The following SYT7 variants were observed in gnomAD, a reference collection of about 807,000 sequenced individuals.
SYT7 encodes synaptotagmin-7.
SYT7 carries 29 observed loss-of-function variants against 75.1 expected under a neutral mutation model. The observed-to-expected ratio is 0.39, with a 90% CI of 0.29 to 0.53. The LOEUF (loss-of-function observed/expected upper bound fraction) is 0.53. Ranked by LOEUF, SYT7 falls within the 20% of genes least tolerant of loss-of-function variation. SYT7 has a pLI of 0.77. For missense variants in SYT7, 693 were observed against 953.2 expected (o/e 0.73, Z 3.59); for synonymous variants, 376 against 401.7 (o/e 0.94, Z 0.76).
upstream of SYT7, among the ~76,000 whole-genome samples, chr11:61,583,097 C>T (rs150107774): frequency 8.0e-3 from 1,215 of 152,106 alleles, 7 homozygotes; most frequent in Non-Finnish European, 0.013. Flanking sequence ...TGTAGTGGTG[C>T]GCCCCTGGGG....
chr11:61,527,152 A>G (rs1177277621), intron 9 of SYT7, among the ~76,000 whole-genome samples: 1 of 152,162 alleles, frequency 6.6e-6, no homozygotes, highest in Non-Finnish European at 1.5e-5. Context: ...GGAGAGAGAA[A>G]GGACATTTGT....
intron 1 of SYT7, among the ~76,000 whole-genome samples, chr11:61,573,184 T>G (rs1241399434): frequency 6.6e-6 from 1 of 152,164 alleles, no homozygotes; most frequent in East Asian, 1.9e-4. Flanking sequence ...GGCCTGGCCC[T>G]GATGCCTGGG....
At chr11:61,536,456 C>A (rs375583891) in intron 7 of SYT7, among the ~76,000 whole-genome samples, 12 of 152,316 alleles carry the variant, frequency 7.9e-5, no homozygotes, top group Middle Eastern at 3.4e-3. Flanking sequence ...CCAGCCACCC[C>A]CTGTGTGCCT....
Position 61,576,636 on chromosome 11 carries a change from G to A in SYT7, c.31+4154C>T, listed in dbSNP as rs1441880697. Among the ~76,000 whole-genome samples the A allele has an allele frequency of 6.9e-6, 1 of 144,140 alleles. No homozygotes were observed. The highest frequency in any genetic ancestry group is 2.6e-5 in the African/African-American group (1 of 39,032). 94.6% of individuals were successfully genotyped at this position (144,140 alleles called of 152,430 possible). On this transcript the variant is annotated intron_variant, in intron 1 of 12. Transcript: ENST00000539008. This position sits in a 1 kb window ranked among gnomAD's most constrained non-coding sequence, Gnocchi z 4.1. ...TGTTCTTGGCCTCACTCCCCTGGGG[G>A]AACCAGTTATTGAAAACGAAAACGG...
At position 61,580,077 on chromosome 11, in the gene SYT7, C is replaced by T. The variant is rs1022083118; in HGVS notation, c.31+713G>A. ...CAGGCCACTCCCCTGGCGGGCGAAG[C>T]AGAAGGCAAAGGAGTTCGGCCCTCC... On this transcript the variant is annotated intron_variant, in intron 1 of 12. Transcript: ENST00000539008. The surrounding 1 kb of genome is among the most constrained non-coding windows in gnomAD (Gnocchi z 6.1). Among the ~76,000 whole-genome samples, 1 of 152,150 alleles carries T rather than the reference C, an allele frequency of 6.6e-6. No homozygotes were observed. Among genetic ancestry groups the T allele is most frequent in the Non-Finnish European group, 1.5e-5 (1 of 68,014 alleles).
At chr11:61,547,396 A>AC (rs1444241667) in intron 3 of SYT7, 88 bp from the exon 4 acceptor site, 1 of 1,455,140 alleles carries the variant, frequency 6.9e-7, no homozygotes, top group African/African-American at 1.4e-5. Flanking sequence ...AGGGACCAGG[A>AC]CCCCGGGGCC....
rs1169867911 is a variant in SYT7, at chr11:61,523,719, C to A, written c.1756+108G>T. 1.4e-5 allele frequency: 16 copies of A among 1,149,070 alleles called. No individual in the cohort carries two copies. The highest frequency in any genetic ancestry group is 3.0e-5 in the African/African-American group (2 of 65,806). 71.2% of individuals were successfully genotyped at this position (1,149,070 alleles called of 1,614,324 possible). A position where few individuals can be genotyped will look rare whatever the true frequency, so the allele number is the denominator to read the frequency against. On this transcript the variant is annotated intron_variant, in intron 11 of 12. Transcript: ENST00000539008. The surrounding 1 kb of genome is among the most constrained non-coding windows in gnomAD (Gnocchi z 5.0). ...GTGAGGACTGGAGGTCGGGGTGTGGCGGGTTGGGGTGAGGACCACTGCAGA... is the reference window on the plus strand; with the variant it reads ...GTGAGGACTGGAGGTCGGGGTGTGGAGGGTTGGGGTGAGGACCACTGCAGA...
intron 9 of SYT7, among the ~76,000 whole-genome samples, chr11:61,526,924 G>T (rs564155133): frequency 9.2e-5 from 14 of 152,292 alleles, no homozygotes; most frequent in African/African-American, 2.9e-4. Context: ...ACACGGTGAA[G>T]ATTCTGGAAG....
intron 1 of SYT7, among the ~76,000 whole-genome samples, chr11:61,562,413 G>C (rs974469783): frequency 6.6e-6 from 1 of 152,150 alleles, no homozygotes; most frequent in African/African-American, 2.4e-5. Flanking sequence ...AGTCTCATAG[G>C]ACTATGGTGA....
At position 61,515,616 on chromosome 11, in the gene SYT7, C is replaced by A. The variant is rs986893797; in HGVS notation, c.*3011G>T. The A allele has an allele frequency of 2.0e-5, 3 of 152,426 alleles. No homozygotes were observed. Among genetic ancestry groups the A allele is most frequent in the Admixed American group, 1.3e-4 (2 of 15,272 alleles). The allele number at this position is 152,426 out of a possible 1,614,324, so 9.4% of individuals were successfully genotyped here. Reference sequence around the variant, plus strand: ...TCCCCACCCCTGGGGCTCCGGGGAGCCCCCCTGGCTTGTTTGTGGCTGTTT... The same window carrying A: ...TCCCCACCCCTGGGGCTCCGGGGAGACCCCCTGGCTTGTTTGTGGCTGTTT... On this transcript the variant is annotated 3_prime_UTR_variant, in exon 13 of 13. Transcript: ENST00000539008.
intron 1 of SYT7, among the ~76,000 whole-genome samples, chr11:61,572,908 A>C (rs1247104959): frequency 6.6e-6 from 1 of 152,172 alleles, no homozygotes; most frequent in African/African-American, 2.4e-5. Context: ...ACACACACAC[A>C]TACACATCAT....
At chr11:61,535,054 TAGTC>T (rs1354626301) in intron 7 of SYT7, among the ~76,000 whole-genome samples, 2 of 151,926 alleles carry the variant, frequency 1.3e-5, no homozygotes, top group African/African-American at 4.8e-5. Flanking sequence ...CTGGGAAAGA[TAGTC>T]AGCGCCACTG....
At chr11:61,569,678 G>C (rs1425350968) in intron 1 of SYT7, among the ~76,000 whole-genome samples, 1 of 152,092 alleles carries the variant, frequency 6.6e-6, no homozygotes, top group Admixed American at 6.5e-5. Context: ...CAGAGGCAGA[G>C]AGACAGATAC....
upstream of SYT7, among the ~76,000 whole-genome samples, chr11:61,583,916 C>A (rs2064332774): frequency 6.6e-6 from 1 of 152,128 alleles, no homozygotes; most frequent in African/African-American, 2.4e-5. Flanking sequence ...TTAGGGGACG[C>A]AGAGTCATGG....
chr11:61,570,924 G>A (rs2063903539), intron 1 of SYT7, among the ~76,000 whole-genome samples: 1 of 151,158 alleles, frequency 6.6e-6, no homozygotes, highest in South Asian at 2.1e-4. Flanking sequence ...AGTGATAACT[G>A]TGACAGGCAC....
intron 1 of SYT7, among the ~76,000 whole-genome samples, chr11:61,564,603 T>A (rs947124520): frequency 4.6e-5 from 7 of 152,200 alleles, no homozygotes; most frequent in Non-Finnish European, 8.8e-5. Flanking sequence ...CCTCAAACCC[T>A]GTGGCTCTTA....
chr11:61,521,665 C>G (rs750597685), intron 12 of SYT7, among the ~76,000 whole-genome samples: 3 of 152,220 alleles, frequency 2.0e-5, no homozygotes, highest in Non-Finnish European at 4.4e-5. Flanking sequence ...GCCTCCAACT[C>G]AGCTCCCTTC....
At chr11:61,582,929 A>C (rs2064313059), upstream of SYT7, among the ~76,000 whole-genome samples, 1 of 152,094 alleles carries the variant, frequency 6.6e-6, no homozygotes, top group African/African-American at 2.4e-5. Flanking sequence ...TCATTACCCT[A>C]GTAAAGAGTA....
In SYT7 at chr11:61,542,157, G is replaced by A. The variant is rs1210008581; in HGVS notation, c.941+54C>T. On this transcript the variant is annotated intron_variant, in intron 6 of 12. Coordinates refer to ENST00000539008, the MANE Select transcript of SYT7 (RefSeq NM_001365809.2). This position sits in a 1 kb window ranked among gnomAD's most constrained non-coding sequence, Gnocchi z 7.8. ...AGCTGCTCCCAAGGAGATCTGGGGG[G>A]CAGGAGGCTGGGTCAGGGAGGTGGG... 1.1e-5 allele frequency: 16 copies of A among 1,505,672 alleles called. 1 individual carries two copies. Among genetic ancestry groups the A allele is most frequent in the South Asian group, 7.5e-5 (6 of 79,736 alleles). The allele number at this position is 1,505,672 out of a possible 1,614,324, so 93.3% of individuals were successfully genotyped here. A position where few individuals can be genotyped will look rare whatever the true frequency, so the allele number is the denominator to read the frequency against.
Sources: gnomAD v4.1 joint callset for allele counts (sites outside exome capture counted in the v4.1 genomes callset) on GRCh38, gnomAD v4.1.1 for gene constraint, Gnocchi (gnomAD v3.1) non-coding constraint, MANE v1.5 for transcripts, NCBI Gene and HGNC (gene_info 2026-07-23, HGNC 2026-07-21) for gene names.